Variants in IL1RAPL2 observed in about 807,000 individuals in gnomAD.
IL1RAPL2 encodes the protein interleukin 1 receptor accessory protein like 2.
A neutral mutation model predicts 44.1 loss-of-function variants in IL1RAPL2; 3 were observed. The ratio of observed to expected loss-of-function variants is 0.07; its 90% confidence interval spans 0.03 to 0.18. The LOEUF (loss-of-function observed/expected upper bound fraction) is 0.18. Ranked by LOEUF, IL1RAPL2 falls within the 10% of genes least tolerant of loss-of-function variation. The probability of loss-of-function intolerance (pLI) is 1.00; values close to 1 mark genes in which losing one functional copy is unlikely to be tolerated. For synonymous variants in IL1RAPL2, 181 were observed against 178.8 expected (o/e 1.01, Z -0.10); for missense variants, 391 against 496.4 (o/e 0.79, Z 2.02).
intron 5 of IL1RAPL2, among the ~76,000 whole-genome samples, chrX:105,347,605 C>A (rs2035121048): frequency 9.3e-6 from 1 of 107,942 alleles, no homozygotes; most frequent in Admixed American, 1.0e-4. Flanking sequence ...TCATCATCAG[C>A]CAACATCACC....
At chrX:104,741,795 CAGTT>C (rs958841723) in intron 2 of IL1RAPL2, among the ~76,000 whole-genome samples, 2 of 110,626 alleles carry the variant, frequency 1.8e-5, no homozygotes, top group East Asian at 2.9e-4. Flanking sequence ...CCAAGTACTG[CAGTT>C]AGTTAGGAGC....
chrX:104,673,721 T>C (rs1433876053), intron 2 of IL1RAPL2, among the ~76,000 whole-genome samples: 1 of 109,800 alleles, frequency 9.1e-6, no homozygotes, highest in East Asian at 2.9e-4. Flanking sequence ...TGATTCTTCC[T>C]ACCCATGAGC....
intron 2 of IL1RAPL2, among the ~76,000 whole-genome samples, chrX:104,681,107 GT>G (rs1413167064): frequency 1.5e-4 from 17 of 111,608 alleles, no homozygotes; most frequent in African/African-American, 5.2e-4. Flanking sequence ...ACTAACTTCT[GT>G]CTTGCTTCAT....
chrX:105,189,511 G>T (rs1602999201), intron 2 of IL1RAPL2, among the ~76,000 whole-genome samples: 1 of 112,126 alleles, frequency 8.9e-6, no homozygotes, highest in African/African-American at 3.2e-5. Context: ...GATCACAGGT[G>T]TGAGCCACCG....
At position 105,143,835 on chromosome X, in the gene IL1RAPL2, G is replaced by C. The variant is rs537631772; in HGVS notation, c.83-51640G>C. Among the ~76,000 whole-genome samples, 31 of 110,041 alleles carry C rather than the reference G, an allele frequency of 2.8e-4. No individual in the cohort carries two copies. In the South Asian group the frequency reaches 0.011, roughly 40 times the overall value. On this transcript the variant is annotated intron_variant, in intron 2 of 10. Coordinates refer to ENST00000372582, the MANE Select transcript of IL1RAPL2 (RefSeq NM_017416.2). ...AGGGGAAAATCACACACAGGGGCCTGTTGTAGGGTGGAGGGAGAGGGGAGG... is the reference window on the plus strand; with the variant it reads ...AGGGGAAAATCACACACAGGGGCCTCTTGTAGGGTGGAGGGAGAGGGGAGG...
intron 5 of IL1RAPL2, among the ~76,000 whole-genome samples, chrX:105,474,929 A>G (rs996471639): frequency 9.0e-6 from 1 of 111,070 alleles, no homozygotes; most frequent in African/African-American, 3.3e-5. Flanking sequence ...AGTGGCTATG[A>G]CCTTGGACTC....
chrX:105,073,944 C>T (rs1196061455), intron 2 of IL1RAPL2, among the ~76,000 whole-genome samples: 1 of 111,203 alleles, frequency 9.0e-6, no homozygotes, highest in Non-Finnish European at 1.9e-5. Context: ...GATATTAGCC[C>T]TTTGTCCAAT....
chrX:105,161,700 CCTAT>C (rs764173086), intron 2 of IL1RAPL2, among the ~76,000 whole-genome samples: 2 of 111,928 alleles, frequency 1.8e-5, no homozygotes, highest in East Asian at 2.8e-4. Context: ...TTTGCTATCG[CCTAT>C]CTGTCAAAAT....
chrX:105,298,162 C>T (rs1313660945), intron 5 of IL1RAPL2, among the ~76,000 whole-genome samples: 1 of 110,918 alleles, frequency 9.0e-6, no homozygotes, highest in African/African-American at 3.3e-5. Flanking sequence ...ATTATTTTAG[C>T]AATTTTCAAG....
intron 6 of IL1RAPL2, among the ~76,000 whole-genome samples, chrX:105,590,813 TTGTGTGTGTG>T (rs199802193): frequency 3.1e-4 from 30 of 97,218 alleles, no homozygotes; most frequent in Admixed American, 6.7e-4. Flanking sequence ...TGGCCTGAAT[TTGTGTGTGTG>T]TGTGTGTGTG....
At chrX:104,650,645 A>C (rs189487522) in intron 1 of IL1RAPL2, among the ~76,000 whole-genome samples, 10 of 111,899 alleles carry the variant, frequency 8.9e-5, no homozygotes, top group East Asian at 2.8e-4. Context: ...GCTAAAAAAA[A>C]CCACTTATTT....
At chrX:105,244,924 C>A (rs1183300989) in intron 4 of IL1RAPL2, among the ~76,000 whole-genome samples, 1 of 111,572 alleles carries the variant, frequency 9.0e-6, no homozygotes, top group Non-Finnish European at 1.9e-5. Flanking sequence ...GGATTGGTTA[C>A]AGCTCAGCAT....
At chrX:104,958,255 A>G (rs1442513287) in intron 2 of IL1RAPL2, among the ~76,000 whole-genome samples, 5 of 110,036 alleles carry the variant, frequency 4.5e-5, no homozygotes, top group Non-Finnish European at 9.5e-5. Flanking sequence ...TTACTAGGTT[A>G]TATGGTTCAT....
chrX:104,695,446 A>G (rs1189142212), intron 2 of IL1RAPL2, among the ~76,000 whole-genome samples: 1 of 111,034 alleles, frequency 9.0e-6, no homozygotes, highest in African/African-American at 3.3e-5. Flanking sequence ...TAACAGGAAT[A>G]TGTTTATGTA....
At chrX:105,042,040 C>T (rs2147759853) in intron 2 of IL1RAPL2, among the ~76,000 whole-genome samples, 1 of 111,260 alleles carries the variant, frequency 9.0e-6, no homozygotes, top group Non-Finnish European at 1.9e-5. Context: ...AAAGCTGAAA[C>T]TGGATCCCTT....
chrX:105,216,061 A>G (rs1318673976), intron 3 of IL1RAPL2, among the ~76,000 whole-genome samples: 1 of 111,336 alleles, frequency 9.0e-6, no homozygotes, highest in Non-Finnish European at 1.9e-5. Flanking sequence ...TAAGACAAGG[A>G]TGCCCTCTCA....
intron 2 of IL1RAPL2, among the ~76,000 whole-genome samples, chrX:105,141,892 T>A (rs2147583638): frequency 8.9e-6 from 1 of 112,205 alleles, no homozygotes; most frequent in East Asian, 2.8e-4. Context: ...TTGGAAATAC[T>A]TGCCATGAAG....
At chrX:104,685,413 A>G (rs1406136186) in intron 2 of IL1RAPL2, among the ~76,000 whole-genome samples, 1 of 111,931 alleles carries the variant, frequency 8.9e-6, no homozygotes, top group Non-Finnish European at 1.9e-5. Context: ...CTGTTCGGCC[A>G]AGTTAGATAA....
chrX:105,626,334 A>G (rs1427311570), intron 6 of IL1RAPL2, among the ~76,000 whole-genome samples: 2 of 111,530 alleles, frequency 1.8e-5, no homozygotes, highest in South Asian at 7.6e-4. Context: ...TAAGGCATTA[A>G]TGAGTTGGAA....
Sources: gnomAD v4.1 joint callset for allele counts (sites outside exome capture counted in the v4.1 genomes callset) on GRCh38, gnomAD v4.1.1 for gene constraint, MANE v1.5 for transcripts, NCBI Gene and HGNC (gene_info 2026-07-23, HGNC 2026-07-21) for gene names.